The following GNB4 variants were observed in gnomAD, a reference collection of about 807,000 sequenced individuals.
The protein encoded by GNB4 is G protein subunit beta 4.
In GNB4, 28 loss-of-function variants were observed where a neutral mutation model predicts 45.2. The observed-to-expected ratio is 0.62, with a 90% CI of 0.46 to 0.85. The LOEUF is 0.85. Among genes scored for constraint, GNB4 ranks in the 40% least tolerant of loss-of-function variants. The pLI, the probability that GNB4 is intolerant of heterozygous loss-of-function variation, is 0.00. For synonymous variants in GNB4, 132 were observed against 143.7 expected, an observed-to-expected ratio of 0.92 and a Z score of 0.58; for missense variants, 321 against 425.4, an observed-to-expected ratio of 0.75 and a Z score of 2.16.
At chr3:179,521,039 A>G in the GNB4 span, among the ~76,000 whole-genome samples, 1 of 151,998 alleles carries the variant, frequency 6.6e-6, no homozygotes, top group South Asian at 2.1e-4. Flanking sequence ...TCCCTTCCCT[A>G]CACATCAAAC....
At chr3:179,444,182 TTTTC>T (rs1295699034) in intron 1 of GNB4, among the ~76,000 whole-genome samples, 1 of 152,128 alleles carries the variant, frequency 6.6e-6, no homozygotes, top group African/African-American at 2.4e-5. Flanking sequence ...CCTATCTCTA[TTTTC>T]TTTATGTCTT....
chr3:179,420,897 G>A lies in GNB4; in HGVS notation c.88C>T (p.Leu30Phe). ...GAAAAACAAAACTTTACCTGAACAAGCGTTGCATCATTACATGCTTTCCGA... is the reference window on the plus strand; with the variant it reads ...GAAAAACAAAACTTTACCTGAACAAACGTTGCATCATTACATGCTTTCCGA... ...DARKACNDATLVQITSNMDSV... is the reference protein window; with the variant it reads ...DARKACNDATFVQITSNMDSV... The change falls in exon 3 of 10, where the codon CTT becomes TTT. Residue 30 changes from leucine to phenylalanine, a missense_variant. Coordinates refer to ENST00000232564, the MANE Select transcript of GNB4 (RefSeq NM_021629.4). 1.3e-6 allele frequency: 2 copies of A among 1,588,862 alleles called. No homozygotes were observed. Among genetic ancestry groups the A allele is most frequent in the South Asian group, 2.3e-5 (2 of 88,630 alleles).
intron 4 of GNB4, among the ~76,000 whole-genome samples, chr3:179,417,155 GA>G (rs1296364587): frequency 2.6e-5 from 4 of 152,158 alleles, no homozygotes; most frequent in African/African-American, 9.7e-5. Flanking sequence ...AATGAGTCTT[GA>G]AAGAAAATGT....
At chr3:179,514,714 G>GC in the GNB4 span, among the ~76,000 whole-genome samples, 1 of 152,118 alleles carries the variant, frequency 6.6e-6, no homozygotes, top group Non-Finnish European at 1.5e-5. Flanking sequence ...TAAAAAGGTG[G>GC]CCACCTGCAA....
At chr3:179,428,978 A>T (rs1715225910) in intron 1 of GNB4, among the ~76,000 whole-genome samples, 1 of 152,184 alleles carries the variant, frequency 6.6e-6, no homozygotes, top group Non-Finnish European at 1.5e-5. Context: ...CATGAATAGA[A>T]ATGGGAAACA....
At chr3:179,494,103 G>C in the GNB4 span, among the ~76,000 whole-genome samples, 54 of 152,154 alleles carry the variant, frequency 3.5e-4, no homozygotes, top group Non-Finnish European at 6.9e-4. Flanking sequence ...CTACCTTGGA[G>C]ACCCACCTAG....
At chr3:179,464,612 C>T in the GNB4 span, 5 of 1,286,482 alleles carry the variant, frequency 3.9e-6, no homozygotes, top group Non-Finnish European at 4.5e-6. Context: ...TCAACAAAAC[C>T]AGGGCAGCTG....
chr3:179,440,210 G>T (rs1715561240), intron 1 of GNB4, among the ~76,000 whole-genome samples: 2 of 152,064 alleles, frequency 1.3e-5, no homozygotes, highest in South Asian at 2.1e-4. Context: ...TATGATTTTT[G>T]GGGGGCAGCT....
chr3:179,425,201 C>G (rs1715106417), intron 2 of GNB4, among the ~76,000 whole-genome samples: 1 of 152,096 alleles, frequency 6.6e-6, no homozygotes, highest in Admixed American at 6.5e-5. Flanking sequence ...TAATGAAGTC[C>G]AAGGAAGCAT....
the GNB4 span, among the ~76,000 whole-genome samples, chr3:179,478,575 G>T: frequency 6.6e-6 from 1 of 152,000 alleles, no homozygotes. Flanking sequence ...TTAGGGCCTC[G>T]CTCTGTCACC....
At chr3:179,485,026 T>C in the GNB4 span, among the ~76,000 whole-genome samples, 3 of 136,910 alleles carry the variant, frequency 2.2e-5, no homozygotes, top group Admixed American at 2.2e-4. Flanking sequence ...TTTTTTTTTT[T>C]TTGAGACGGA....
chr3:179,517,364 CT>C, the GNB4 span, among the ~76,000 whole-genome samples: 14 of 152,298 alleles, frequency 9.2e-5, no homozygotes, highest in South Asian at 2.7e-3. Context: ...GGCCCCACCC[CT>C]ATCTCCCTTC....
upstream of GNB4, among the ~76,000 whole-genome samples, chr3:179,455,707 A>T (rs1715966500): frequency 6.6e-6 from 1 of 152,234 alleles, no homozygotes; most frequent in African/African-American, 2.4e-5. Context: ...TCAAGTCACC[A>T]AACTTAGTGG....
intron 1 of GNB4, among the ~76,000 whole-genome samples, chr3:179,448,060 T>C (rs887934308): frequency 2.6e-5 from 4 of 152,234 alleles, no homozygotes; most frequent in Non-Finnish European, 4.4e-5. Flanking sequence ...TGGAGAAGAA[T>C]TGTTTCATGG....
the GNB4 span, among the ~76,000 whole-genome samples, chr3:179,493,153 C>T: frequency 6.6e-6 from 1 of 152,082 alleles, no homozygotes; most frequent in Non-Finnish European, 1.5e-5. Context: ...AATACAAGGC[C>T]TCAAGAAACT....
the GNB4 span, chr3:179,465,356 C>T: frequency 1.0e-6 from 1 of 966,162 alleles, no homozygotes; most frequent in Non-Finnish European, 1.6e-6. Flanking sequence ...GTAATCCCAG[C>T]ACTTTGGGAG....
chr3:179,524,143 T>G, the GNB4 span, among the ~76,000 whole-genome samples: 3 of 152,030 alleles, frequency 2.0e-5, no homozygotes, highest in Non-Finnish European at 4.4e-5. Flanking sequence ...TTATCCAAAG[T>G]ATCTGTGATG....
chr3:179,414,751 GTTCATAATAAT>G (rs1714747708), intron 6 of GNB4, 123 bp downstream of exon 6: 1 of 588,234 alleles, frequency 1.7e-6, no homozygotes, highest in Non-Finnish European at 2.8e-6. Context: ...TGTTTCCTTT[GTTCATAATAAT>G]TTCATTCCCA....
At chr3:179,461,819 T>C in the GNB4 span, among the ~76,000 whole-genome samples, 1 of 152,246 alleles carries the variant, frequency 6.6e-6, no homozygotes, top group East Asian at 1.9e-4. Context: ...AAAAAGTTAC[T>C]GTGTAATGAG....
Sources: gnomAD v4.1 joint callset for allele counts (sites outside exome capture counted in the v4.1 genomes callset) on GRCh38, gnomAD v4.1.1 for gene constraint, MANE v1.5 for transcripts, NCBI Gene and HGNC (gene_info 2026-07-23, HGNC 2026-07-21) for gene names.